NELL1: variants seen among roughly 807,000 people sequenced by gnomAD.
NELL1 encodes protein kinase C-binding protein NELL1.
NELL1 carries 76 observed loss-of-function variants against 107.4 expected under a neutral mutation model. The ratio of observed to expected loss-of-function variants is 0.71; its 90% CI spans 0.59 to 0.86. The LOEUF is 0.86. Among genes scored for constraint, NELL1 ranks in the 40% least tolerant of loss-of-function variants. The pLI is 0.00. For synonymous variants in NELL1, 353 were observed against 341.2 expected (o/e 1.03, Z -0.38); for missense variants, 1,024 against 1,005.5 (o/e 1.02, Z -0.25).
At chr11:21,472,603 A>G (rs1854211094) in intron 15 of NELL1, among the ~76,000 whole-genome samples, 1 of 152,012 alleles carries the variant, frequency 6.6e-6, no homozygotes, top group African/African-American at 2.4e-5. Flanking sequence ...TTAGTCTAAT[A>G]TTTGAATCAA....
Position 21,247,551 on chromosome 11 carries a change from G to C in NELL1, c.1549+18097G>C, listed in dbSNP as rs552846852. ...CTTTTGTCCCGTTAGAGGGTCTTCA[G>C]GGGCAATAGCACGCATGGAGGTGTC... On this transcript the variant is annotated intron_variant, in intron 14 of 19. Coordinates refer to ENST00000357134, the MANE Select transcript of NELL1 (RefSeq NM_006157.5). Among the ~76,000 whole-genome samples the C allele has an allele frequency of 2.0e-5, 3 of 152,202 alleles. No homozygotes were observed. In the South Asian group the frequency reaches 6.2e-4, roughly 32 times the overall value.
At chr11:20,806,056 T>C (rs1053255176) in intron 3 of NELL1, among the ~76,000 whole-genome samples, 1 of 146,826 alleles carries the variant, frequency 6.8e-6, no homozygotes, top group South Asian at 2.2e-4. Flanking sequence ...ATATCCTGTG[T>C]TTTTTTGTGT....
intron 14 of NELL1, among the ~76,000 whole-genome samples, chr11:21,321,612 G>T (rs990202445): frequency 5.9e-5 from 9 of 152,102 alleles, no homozygotes; most frequent in African/African-American, 1.9e-4. Flanking sequence ...CTAAATTCCA[G>T]CTCTCTCACT....
chr11:21,149,293 G>T (rs1390997864), intron 13 of NELL1, among the ~76,000 whole-genome samples: 1 of 152,186 alleles, frequency 6.6e-6, no homozygotes, highest in Non-Finnish European at 1.5e-5. Flanking sequence ...TGGTGTATTA[G>T]TCTGGGCTCA....
chr11:21,348,663 A>T (rs564158502), intron 14 of NELL1, among the ~76,000 whole-genome samples: 1 of 152,202 alleles, frequency 6.6e-6, no homozygotes, highest in African/African-American at 2.4e-5. Context: ...TGCTAAATGC[A>T]TTTTTAAAGG....
intron 14 of NELL1, among the ~76,000 whole-genome samples, chr11:21,291,501 G>T (rs1056373406): frequency 1.3e-5 from 2 of 152,076 alleles, no homozygotes; most frequent in Admixed American, 6.6e-5. Flanking sequence ...GGACAAAGAG[G>T]AGTTAGTACC....
chr11:21,555,813 C>G (rs892770721), intron 16 of NELL1, among the ~76,000 whole-genome samples: 7 of 151,894 alleles, frequency 4.6e-5, no homozygotes, highest in Non-Finnish European at 8.8e-5. Context: ...TGAGTTTGAG[C>G]TCCTCATCAC....
At chr11:21,564,286 T>C (rs986340524) in intron 17 of NELL1, among the ~76,000 whole-genome samples, 4 of 151,896 alleles carry the variant, frequency 2.6e-5, no homozygotes, top group African/African-American at 7.2e-5. Flanking sequence ...TAACATCTAA[T>C]GGGAGAAAAT....
intron 9 of NELL1, among the ~76,000 whole-genome samples, chr11:20,934,342 A>G (rs143315014): frequency 1.1e-3 from 170 of 152,316 alleles, no homozygotes; most frequent in African/African-American, 4.0e-3. Context: ...GGCGTGCAGT[A>G]ATATGTTGAT....
chr11:21,447,483 A>G (rs973857415), intron 15 of NELL1, among the ~76,000 whole-genome samples: 2 of 152,198 alleles, frequency 1.3e-5, no homozygotes, highest in Non-Finnish European at 2.9e-5. Flanking sequence ...CTCTTAAATC[A>G]GCAGGTGATG....
intron 12 of NELL1, among the ~76,000 whole-genome samples, chr11:21,076,733 G>T (rs1854145261): frequency 6.6e-6 from 1 of 152,162 alleles, no homozygotes; most frequent in Admixed American, 6.5e-5. Flanking sequence ...GAATGCCTTG[G>T]TGCTGTCCTC....
intron 3 of NELL1, among the ~76,000 whole-genome samples, chr11:20,824,897 C>G (rs899707256): frequency 6.6e-6 from 1 of 151,320 alleles, no homozygotes; most frequent in Non-Finnish European, 1.5e-5. Context: ...CAGCTGCAGA[C>G]ATTTGCATAA....
At chr11:20,814,331 T>C (rs1222426605) in intron 3 of NELL1, among the ~76,000 whole-genome samples, 1 of 152,190 alleles carries the variant, frequency 6.6e-6, no homozygotes, top group Admixed American at 6.5e-5. Flanking sequence ...ATGGTCTATA[T>C]GTGCAGGTGT....
At chr11:21,431,645 A>T (rs1018316001) in intron 15 of NELL1, among the ~76,000 whole-genome samples, 1 of 152,204 alleles carries the variant, frequency 6.6e-6, no homozygotes, top group African/African-American at 2.4e-5. Context: ...ATACACTACC[A>T]TTCAGATCTG....
At chr11:21,481,921 T>G (rs1854503333) in intron 15 of NELL1, among the ~76,000 whole-genome samples, 1 of 152,150 alleles carries the variant, frequency 6.6e-6, no homozygotes, top group Non-Finnish European at 1.5e-5. Flanking sequence ...CAGGCCCTGC[T>G]TTTAGGTTCT....
At chr11:21,468,728 G>C (rs1854096283) in intron 15 of NELL1, among the ~76,000 whole-genome samples, 1 of 152,044 alleles carries the variant, frequency 6.6e-6, no homozygotes, top group African/African-American at 2.4e-5. Context: ...CCTGGGAAGT[G>C]GATGGGGTGT....
intron 14 of NELL1, among the ~76,000 whole-genome samples, chr11:21,342,104 G>A (rs554794285): frequency 3.3e-5 from 5 of 152,286 alleles, no homozygotes; most frequent in Admixed American, 2.0e-4. Flanking sequence ...AGTGCCTACA[G>A]AAAGCCTGGG....
chr11:21,119,973 G>A (rs371467009), intron 13 of NELL1, among the ~76,000 whole-genome samples: 39 of 152,162 alleles, frequency 2.6e-4, no homozygotes, highest in Admixed American at 7.2e-4. Context: ...TCACAGTAAC[G>A]GGTAGGCATT....
intron 15 of NELL1, among the ~76,000 whole-genome samples, chr11:21,452,645 T>C (rs553500758): frequency 1.3e-5 from 2 of 152,148 alleles, no homozygotes; most frequent in East Asian, 3.9e-4. Context: ...CTATTGGTTA[T>C]TCATTTCCTA....
Sources: allele counts gnomAD v4.1 joint callset (sites outside exome capture counted in the v4.1 genomes callset), GRCh38; gene constraint gnomAD v4.1.1; transcripts MANE v1.5; gene names NCBI Gene and HGNC (gene_info 2026-07-23, HGNC 2026-07-21).